Variants in ALKBH8 observed in about 807,000 individuals in gnomAD.
ALKBH8 encodes alkB homolog 8, tRNA methyltransferase.
ALKBH8 carries 36 observed loss-of-function variants against 59.8 expected under a neutral mutation model. That is an observed-to-expected ratio of 0.60 (90% CI 0.46 to 0.79). The LOEUF is 0.79. Among genes scored for constraint, ALKBH8 ranks in the 30% least tolerant of loss-of-function variants. The pLI, the probability that ALKBH8 is intolerant of heterozygous loss-of-function variation, is 0.00. For synonymous variants in ALKBH8, 276 were observed against 273.6 expected (o/e 1.01, Z -0.09); for missense variants, 768 against 801.0 (o/e 0.96, Z 0.50).
At chr11:107,551,192 T>C (rs1185656609) in intron 6 of ALKBH8, among the ~76,000 whole-genome samples, 1 of 152,134 alleles carries the variant, frequency 6.6e-6, no homozygotes, top group Non-Finnish European at 1.5e-5. Flanking sequence ...GTCTCCTATG[T>C]TTTTCAGACC....
chr11:107,516,364 C>A (rs566715389), intron 10 of ALKBH8, among the ~76,000 whole-genome samples: 17 of 152,246 alleles, frequency 1.1e-4, no homozygotes, highest in South Asian at 2.1e-4. Flanking sequence ...AAGTCCAAGT[C>A]TTTTCAATAA....
chr11:107,554,048 A>G (rs1864607212), intron 3 of ALKBH8, 70 bp from the exon 4 acceptor site: 23 of 1,557,256 alleles, frequency 1.5e-5, no homozygotes, highest in Non-Finnish European at 1.9e-5. Flanking sequence ...ATTCTGCCCA[A>G]TAACTCTTTA....
chr11:107,523,892 G>A (rs572108453), intron 9 of ALKBH8, among the ~76,000 whole-genome samples: 5 of 151,942 alleles, frequency 3.3e-5, no homozygotes, highest in South Asian at 4.2e-4. Context: ...GTGAGCCACC[G>A]CACCCAGCCG....
chr11:107,525,390 T>C (rs1863307063), intron 9 of ALKBH8, 51 bp downstream of exon 9: 1 of 1,476,330 alleles, frequency 6.8e-7, no homozygotes, highest in Admixed American at 2.6e-5. Context: ...TTAAAGGACT[T>C]TTATATTAAA....
At chr11:107,509,770 C>A (rs958468792) in intron 11 of ALKBH8, among the ~76,000 whole-genome samples, 6 of 152,084 alleles carry the variant, frequency 3.9e-5, no homozygotes, top group African/African-American at 1.4e-4. Flanking sequence ...GAAAGTTGGA[C>A]ATGACAGATT....
At chr11:107,551,559 T>C (rs968098116) in intron 6 of ALKBH8, among the ~76,000 whole-genome samples, 1 of 151,808 alleles carries the variant, frequency 6.6e-6, no homozygotes, top group African/African-American at 2.4e-5. Flanking sequence ...TGGGCCATGA[T>C]GGTGTGCGCC....
chr11:107,557,029 A>C (rs1864748046), intron 2 of ALKBH8, 26 bp from the exon 3 acceptor site: 1 of 1,484,978 alleles, frequency 6.7e-7, no homozygotes, highest in African/African-American at 1.4e-5. Context: ...AACAAACAAA[A>C]AGAAAGTAAC....
chr11:107,536,130 A>T (rs779488603), intron 7 of ALKBH8, among the ~76,000 whole-genome samples: 7 of 152,228 alleles, frequency 4.6e-5, no homozygotes, highest in Non-Finnish European at 5.9e-5. Context: ...GCCAAGCTGT[A>T]ACTAATCCAG....
chr11:107,536,999 A>T (rs950103474), intron 7 of ALKBH8, among the ~76,000 whole-genome samples: 2 of 152,226 alleles, frequency 1.3e-5, no homozygotes, highest in African/African-American at 4.8e-5. Context: ...TTTTTCCCCC[A>T]TGAGGCCACC....
intron 10 of ALKBH8, among the ~76,000 whole-genome samples, chr11:107,512,557 C>T (rs889337823): frequency 3.9e-5 from 6 of 152,132 alleles, no homozygotes; most frequent in Admixed American, 6.5e-5. Context: ...AAGTCATCTG[C>T]CCGTCTTGGC....
chr11:107,532,170 T>C (rs1863621412), intron 8 of ALKBH8, 130 bp downstream of exon 8: 2 of 611,352 alleles, frequency 3.3e-6, no homozygotes, highest in East Asian at 3.0e-5. Context: ...CGAAACTAGA[T>C]AGATGCCCCT....
chr11:107,558,441 G>A (rs903552608), intron 2 of ALKBH8, among the ~76,000 whole-genome samples: 1 of 152,072 alleles, frequency 6.6e-6, no homozygotes, highest in Non-Finnish European at 1.5e-5. Context: ...AAAATAACTT[G>A]GTTATATGTG....
At chr11:107,517,717 A>G (rs541897988) in intron 10 of ALKBH8, among the ~76,000 whole-genome samples, 6 of 152,224 alleles carry the variant, frequency 3.9e-5, no homozygotes, top group Admixed American at 1.3e-4. Flanking sequence ...ATGCGACTTC[A>G]TAGAACTAGA....
chr11:107,518,742 CT>C (rs1273125457), intron 10 of ALKBH8, among the ~76,000 whole-genome samples: 12 of 152,320 alleles, frequency 7.9e-5, no homozygotes, highest in African/African-American at 2.9e-4. Context: ...ATAAGGGACA[CT>C]TTTAGTTAAT....
chr11:107,535,997 A>G (rs1159413382), intron 7 of ALKBH8, among the ~76,000 whole-genome samples: 2 of 152,250 alleles, frequency 1.3e-5, no homozygotes, highest in African/African-American at 4.8e-5. Context: ...AAGGTTCTTC[A>G]TACATAGTGA....
At chr11:107,546,235 A>C (rs978167638) in intron 7 of ALKBH8, among the ~76,000 whole-genome samples, 1 of 152,170 alleles carries the variant, frequency 6.6e-6, no homozygotes, top group Non-Finnish European at 1.5e-5. Flanking sequence ...ATGCACATTA[A>C]ATAGTTATTT....
intron 11 of ALKBH8, among the ~76,000 whole-genome samples, chr11:107,508,597 T>C (rs753306733): frequency 6.6e-6 from 1 of 152,230 alleles, no homozygotes; most frequent in Non-Finnish European, 1.5e-5. Flanking sequence ...CCATCACTAT[T>C]ATCCATCTCC....
In ALKBH8 at chr11:107,557,109, A is replaced by G. The variant is rs1864751902; in HGVS notation, c.130-106T>C. The stretch of plus-strand genomic sequence containing the variant: ...TTTAAAAAAGATGTAATTAAGAAAA[A>G]AAAAGCATTTCCTTGTAGTGGTTGT... On this transcript the variant is annotated intron_variant, in intron 2 of 11. Coordinates refer to ENST00000428149, the MANE Select transcript of ALKBH8 (RefSeq NM_138775.3). 3 of 841,652 alleles carry G rather than the reference A, an allele frequency of 3.6e-6. No homozygotes were observed. The Admixed American group carries it at 9.9e-5, about 28-fold the overall frequency. The allele number at this position is 841,652 out of a possible 1,614,324, so 52.1% of individuals were successfully genotyped here.
intron 7 of ALKBH8, among the ~76,000 whole-genome samples, chr11:107,541,493 T>C (rs933720701): frequency 6.6e-6 from 1 of 152,228 alleles, no homozygotes; most frequent in Non-Finnish European, 1.5e-5. Context: ...CACTGGAATA[T>C]TTAATTGAAT....
Sources: gnomAD v4.1 joint callset for allele counts (sites outside exome capture counted in the v4.1 genomes callset) on GRCh38, gnomAD v4.1.1 for gene constraint, MANE v1.5 for transcripts, NCBI Gene and HGNC (gene_info 2026-07-23, HGNC 2026-07-21) for gene names.